ASXL3: variants seen among roughly 807,000 people sequenced by gnomAD.
ASXL3 encodes putative Polycomb group protein ASXL3.
Under a neutral mutation model 170.6 loss-of-function variants are expected in ASXL3, and 34 were observed. That is an observed-to-expected ratio of 0.20 (90% CI 0.15 to 0.27). The LOEUF (loss-of-function observed/expected upper bound fraction) is 0.27, where lower values mean the gene tolerates loss of function less well. Among genes scored for constraint, ASXL3 ranks in the 10% least tolerant of loss-of-function variants. The pLI, the probability that ASXL3 is intolerant of heterozygous loss-of-function variation, is 1.00. For synonymous variants in ASXL3, 1,002 were observed against 989.1 expected, an observed-to-expected ratio of 1.01 and a Z score of -0.24; for missense variants, 2,592 against 2,695.3, an observed-to-expected ratio of 0.96 and a Z score of 0.85.
Position 33,743,193 on chromosome 18 carries a change from A to G in ASXL3, c.3345A>G (p.Gln1115=). Reference sequence around the variant, plus strand: ...AGGCTAAGCTCTTTGCAAAGCATCAAGCTCGAGCCCATCTCTTCCAGACCT... The same window carrying G: ...AGGCTAAGCTCTTTGCAAAGCATCAGGCTCGAGCCCATCTCTTCCAGACCT... ...QTKAKLFAKH[Q]ARAHLFQTSK... is the part of the protein sequence containing the mutation. Residue 1115 remains glutamine, a synonymous_variant, in exon 12 of 12, where the codon CAA becomes CAG. Coordinates refer to ENST00000269197, the MANE Select transcript of ASXL3 (RefSeq NM_030632.3). 1 of 1,613,982 alleles carries G rather than the reference A, an allele frequency of 6.2e-7. No homozygotes were observed. Among genetic ancestry groups the G allele is most frequent in the Non-Finnish European group, 8.5e-7 (1 of 1,179,878 alleles).
chr18:33,713,272 T>A (rs2067106844), intron 8 of ASXL3, among the ~76,000 whole-genome samples: 1 of 122,110 alleles, frequency 8.2e-6, no homozygotes, highest in South Asian at 2.8e-4. Context: ...TTTTTTTTTT[T>A]TTGAGACAGG....
intron 10 of ASXL3, among the ~76,000 whole-genome samples, chr18:33,737,390 C>G (rs932410241): frequency 1.3e-5 from 2 of 152,138 alleles, no homozygotes; most frequent in African/African-American, 4.8e-5. Context: ...GAAATGTTCT[C>G]TCTCCTGCTT....
At chr18:33,740,906 T>A (rs960946108) in intron 11 of ASXL3, among the ~76,000 whole-genome samples, 2 of 152,240 alleles carry the variant, frequency 1.3e-5, no homozygotes, top group Non-Finnish European at 2.9e-5. Flanking sequence ...TATACTGTTG[T>A]ACAGTAAAGT....
chr18:33,606,245 G>A (rs1006307947), intron 1 of ASXL3, among the ~76,000 whole-genome samples: 2 of 151,884 alleles, frequency 1.3e-5, no homozygotes, highest in African/African-American at 4.8e-5. Flanking sequence ...TCTTCTGCAA[G>A]GACCATTTTC....
At chr18:33,624,733 A>T (rs957266249) in intron 2 of ASXL3, among the ~76,000 whole-genome samples, 5 of 152,160 alleles carry the variant, frequency 3.3e-5, no homozygotes, top group Non-Finnish European at 5.9e-5. Context: ...AATTTGGAGA[A>T]GAGACTTTAG....
rs1265686092 is a variant in ASXL3 at position 33,745,547 on chromosome 18, T to C, written c.5699T>C (p.Leu1900Pro). 2 of 1,614,014 alleles carry C rather than the reference T, an allele frequency of 1.2e-6. No homozygotes were observed. Among genetic ancestry groups the C allele is most frequent in the South Asian group, 2.2e-5 (2 of 91,084 alleles). Residue 1900 changes from leucine (L) to proline (P), a missense_variant, in exon 12 of 12, where the codon CTG becomes CCG. Leu to Pro is a moderately conservative substitution (Grantham distance 98, BLOSUM62 -3). This residue lies in a region of ASXL3 where 2,246 missense variants were observed against 2,219.6 expected (regional missense o/e 1.01). Transcript: ENST00000269197. Reference sequence around the variant, plus strand: ...CCTGAGGTCAAACAGCAAAAGCGGCTGCTCCCCTCGTGTAGCTTCCAGCAG... The same window carrying C: ...CCTGAGGTCAAACAGCAAAAGCGGCCGCTCCCCTCGTGTAGCTTCCAGCAG... The part of the protein sequence containing the change: ...HSPEVKQQKR[L>P]LPSCSFQQNL...
chr18:33,651,110 T>C (rs2065990534), intron 4 of ASXL3, among the ~76,000 whole-genome samples: 1 of 152,142 alleles, frequency 6.6e-6, no homozygotes, highest in Non-Finnish European at 1.5e-5. Context: ...CAGTCATCAT[T>C]GGTACGGTTT....
chr18:33,652,603 CA>C lies in ASXL3; in HGVS notation c.355+6263del, dbSNP rs554834298. On this transcript the variant is annotated intron_variant, in intron 4 of 11. Transcript: ENST00000269197. ...AGTATTTTAAAAGTTTCTGTTGGGG[CA>C]AAAAAAAAAAAAGAACATGAATCTT... is the stretch of plus-strand genomic sequence containing the variant. Among the ~76,000 whole-genome samples the C allele has an allele frequency of 2.1e-3, 231 of 112,182 alleles. 1 individual carries two copies. Among genetic ancestry groups the C allele is most frequent in the Admixed American group, 2.8e-3 (29 of 10,268 alleles). The allele number at this position is 112,182 out of a possible 152,430, so 73.6% of individuals were successfully genotyped here. A position where few individuals can be genotyped will look rare whatever the true frequency, so the allele number is the denominator to read the frequency against.
chr18:33,579,680 C>T (rs1217742832), intron 1 of ASXL3, among the ~76,000 whole-genome samples: 1 of 151,946 alleles, frequency 6.6e-6, no homozygotes, highest in African/African-American at 2.4e-5. Flanking sequence ...TATTTCTGTA[C>T]AGTGTGTCTC....
chr18:33,639,524 A>G (rs1229549470), intron 2 of ASXL3, among the ~76,000 whole-genome samples: 4 of 152,072 alleles, frequency 2.6e-5, no homozygotes, highest in Non-Finnish European at 4.4e-5. Context: ...CTCACCTCCT[A>G]TTTTAGTTGA....
chr18:33,646,516 A>T (rs911496008), intron 4 of ASXL3, among the ~76,000 whole-genome samples, 163 bp downstream of exon 4: 1 of 152,088 alleles, frequency 6.6e-6, no homozygotes, highest in Non-Finnish European at 1.5e-5. Flanking sequence ...AAAAGGATAA[A>T]ATCTAAAAGA....
In ASXL3 at chr18:33,667,565, G is replaced by A. The variant is rs149071672; in HGVS notation, c.478-3108G>A. Among the ~76,000 whole-genome samples, 493 of 152,086 alleles carry A rather than the reference G, an allele frequency of 3.2e-3. 1 individual carries two copies. The highest frequency in any genetic ancestry group is 0.011 in the African/African-American group (474 of 41,484). On this transcript the variant is annotated intron_variant, in intron 5 of 11. Transcript: ENST00000269197. ...GAATAATGAAAAGTTATCCCTGCTAGTGGATGTGATACTATTTTTTTACTT... is the reference window on the plus strand; with the variant it reads ...GAATAATGAAAAGTTATCCCTGCTAATGGATGTGATACTATTTTTTTACTT...
intron 2 of ASXL3, among the ~76,000 whole-genome samples, chr18:33,626,206 A>C (rs2065600434): frequency 1.3e-5 from 2 of 152,064 alleles, no homozygotes; most frequent in Admixed American, 1.3e-4. Flanking sequence ...GGAAAATGGA[A>C]ATTCTTTTAC....
intron 2 of ASXL3, among the ~76,000 whole-genome samples, chr18:33,615,189 C>T (rs778745905): frequency 3.3e-5 from 5 of 152,052 alleles, no homozygotes; most frequent in African/African-American, 7.2e-5. Flanking sequence ...ATGATCTTAG[C>T]GAGATATTTT....
intron 5 of ASXL3, among the ~76,000 whole-genome samples, chr18:33,670,040 T>C (rs1372340309): frequency 6.6e-6 from 1 of 152,182 alleles, no homozygotes; most frequent in Non-Finnish European, 1.5e-5. Context: ...CTAGAATCTG[T>C]CATGTTCGTG....
At chr18:33,732,984 C>T (rs758021281) in intron 9 of ASXL3, among the ~76,000 whole-genome samples, 5 of 152,042 alleles carry the variant, frequency 3.3e-5, no homozygotes, top group African/African-American at 9.7e-5. Flanking sequence ...AAACCATCTA[C>T]GTTAGATTTT....
At chr18:33,656,533 G>GCACC (rs1363688532) in intron 4 of ASXL3, among the ~76,000 whole-genome samples, 2 of 152,006 alleles carry the variant, frequency 1.3e-5, no homozygotes, top group Non-Finnish European at 2.9e-5. Context: ...TTGTGGTTCT[G>GCACC]CACCCACACA....
At chr18:33,684,598 G>GT (rs1248441239) in intron 8 of ASXL3, among the ~76,000 whole-genome samples, 1 of 152,028 alleles carries the variant, frequency 6.6e-6, no homozygotes, top group Non-Finnish European at 1.5e-5. Context: ...TTCAATAGGA[G>GT]TTTTTTCTCT....
intron 2 of ASXL3, among the ~76,000 whole-genome samples, chr18:33,609,376 C>T (rs1028481759): frequency 4.0e-5 from 6 of 151,884 alleles, no homozygotes; most frequent in East Asian, 1.9e-4. Flanking sequence ...GTTTGAAATT[C>T]GTTCATTAAG....
Sources: gnomAD v4.1 joint callset for allele counts (sites outside exome capture counted in the v4.1 genomes callset) on GRCh38, gnomAD v4.1.1 for gene constraint, gnomAD v4.1.1 regional missense constraint, MANE v1.5 for transcripts, NCBI Gene and HGNC (gene_info 2026-07-23, HGNC 2026-07-21) for gene names.